GLIS3: variants seen among roughly 807,000 people sequenced by gnomAD.
The protein encoded by GLIS3 is GLIS family zinc finger 3, also known as zinc finger protein GLIS3.
A neutral mutation model predicts 78.6 loss-of-function variants in GLIS3; 53 were observed. The ratio of observed to expected loss-of-function variants is 0.67; its 90% CI spans 0.54 to 0.85. The LOEUF (loss-of-function observed/expected upper bound fraction) is 0.85, where lower values mean the gene tolerates loss of function less well. GLIS3 is among the 40% of genes least tolerant of loss of function. GLIS3 has a pLI of 0.00. For synonymous variants in GLIS3, 684 were observed against 509.9 expected (o/e 1.34, Z -4.60); for missense variants, 1,703 against 1,231.1 (o/e 1.38, Z -5.74).
chr9:4,254,157 C>T (rs963527960), intron 2 of GLIS3, among the ~76,000 whole-genome samples: 1 of 152,148 alleles, frequency 6.6e-6, no homozygotes, highest in Non-Finnish European at 1.5e-5. Flanking sequence ...ATATTTACTG[C>T]ATGTCACATA....
the GLIS3 span, among the ~76,000 whole-genome samples, chr9:4,489,589 A>T: frequency 1.3e-5 from 2 of 152,180 alleles, no homozygotes; most frequent in African/African-American, 4.8e-5. Flanking sequence ...AGCATCAGAA[A>T]TTCACTTAGC....
chr9:3,928,407 G>GA (rs1160682752), intron 6 of GLIS3, among the ~76,000 whole-genome samples: 1 of 152,200 alleles, frequency 6.6e-6, no homozygotes, highest in Non-Finnish European at 1.5e-5. Context: ...GCAACTGACA[G>GA]AAAAAGTGTG....
intron 4 of GLIS3, among the ~76,000 whole-genome samples, chr9:4,069,344 T>G (rs1021462084): frequency 1.3e-5 from 2 of 152,212 alleles, no homozygotes. Flanking sequence ...TGGATCGGCT[T>G]CTCAGCCATT....
chr9:4,450,608 G>A, the GLIS3 span, among the ~76,000 whole-genome samples: 1 of 152,234 alleles, frequency 6.6e-6, no homozygotes, highest in South Asian at 2.1e-4. Context: ...GAAAGGTCAG[G>A]TTACCCACAA....
chr9:4,058,534 T>G (rs879768038), intron 4 of GLIS3, among the ~76,000 whole-genome samples: 2 of 152,080 alleles, frequency 1.3e-5, no homozygotes, highest in Non-Finnish European at 2.9e-5. Flanking sequence ...AGTCCTGGAA[T>G]GTACTTAGCA....
At chr9:3,931,046 T>C (rs534583231) in intron 6 of GLIS3, among the ~76,000 whole-genome samples, 1 of 152,156 alleles carries the variant, frequency 6.6e-6, no homozygotes, top group African/African-American at 2.4e-5. Flanking sequence ...CAAAAGCATA[T>C]CTAGTGTCTG....
intron 4 of GLIS3, among the ~76,000 whole-genome samples, chr9:4,095,356 T>G (rs2130775258): frequency 6.6e-6 from 1 of 152,260 alleles, no homozygotes; most frequent in South Asian, 2.1e-4. Context: ...AATGAAGGGG[T>G]TTCATAACAA....
At chr9:3,878,935 G>C (rs887913334) in intron 8 of GLIS3, 13 of 165,930 alleles carry the variant, frequency 7.8e-5, no homozygotes, top group African/African-American at 2.4e-4. Context: ...GAATTCAGGA[G>C]TAAAAATATC....
chr9:4,251,449 T>A (rs1464194788), intron 2 of GLIS3, among the ~76,000 whole-genome samples: 2 of 151,870 alleles, frequency 1.3e-5, no homozygotes, highest in African/African-American at 2.4e-5. Context: ...TTTTTTTGCT[T>A]TCCATTTGCT....
intron 2 of GLIS3, among the ~76,000 whole-genome samples, chr9:4,258,887 A>G (rs903424963): frequency 6.6e-6 from 1 of 152,160 alleles, no homozygotes; most frequent in Admixed American, 6.5e-5. Flanking sequence ...CACATTCCTA[A>G]CATGTGGCAA....
intron 2 of GLIS3, among the ~76,000 whole-genome samples, chr9:4,183,600 C>A (rs1037140558): frequency 1.3e-5 from 2 of 152,186 alleles, no homozygotes; most frequent in Non-Finnish European, 2.9e-5. Context: ...GTCAAGACCT[C>A]TGTTTCTCCA....
intron 4 of GLIS3, among the ~76,000 whole-genome samples, chr9:4,041,072 T>A (rs886948857): frequency 6.6e-6 from 1 of 152,190 alleles, no homozygotes; most frequent in Non-Finnish European, 1.5e-5. Flanking sequence ...AAGAAGGTGT[T>A]CATTACACAG....
intron 2 of GLIS3, among the ~76,000 whole-genome samples, chr9:4,320,197 T>C (rs1817503588): frequency 6.6e-6 from 1 of 152,190 alleles, no homozygotes; most frequent in Non-Finnish European, 1.5e-5. Context: ...CAAATTCCCT[T>C]CCATTCTGAA....
At chr9:4,072,516 TG>T (rs999162598) in intron 4 of GLIS3, among the ~76,000 whole-genome samples, 19 of 152,132 alleles carry the variant, frequency 1.2e-4, no homozygotes, top group African/African-American at 4.6e-4. Context: ...TTTTTTGAGG[TG>T]GGTGTTTCTT....
intron 2 of GLIS3, among the ~76,000 whole-genome samples, chr9:4,157,730 C>A (rs912782903): frequency 6.6e-6 from 1 of 152,098 alleles, no homozygotes; most frequent in African/African-American, 2.4e-5. Flanking sequence ...ACGAGTGCTT[C>A]CACAAAGCAC....
chr9:4,279,574 G>C (rs1015333565), intron 2 of GLIS3, among the ~76,000 whole-genome samples: 1 of 151,742 alleles, frequency 6.6e-6, no homozygotes, highest in African/African-American at 2.4e-5. Flanking sequence ...GTGAAAACCT[G>C]GGAGGCTGAA....
chr9:3,863,353 T>A (rs531819833), intron 8 of GLIS3, among the ~76,000 whole-genome samples: 3 of 152,308 alleles, frequency 2.0e-5, no homozygotes, highest in African/African-American at 7.2e-5. Context: ...GAATTCGGCT[T>A]CTGAGACAAT....
chr9:4,203,434 C>G (rs1057065849), intron 2 of GLIS3, among the ~76,000 whole-genome samples: 1 of 152,190 alleles, frequency 6.6e-6, no homozygotes, highest in Admixed American at 6.5e-5. Flanking sequence ...TCTCAAGGAA[C>G]TTAGAACACA....
chr9:4,173,384 A>C (rs1816538863), intron 2 of GLIS3, among the ~76,000 whole-genome samples: 1 of 151,926 alleles, frequency 6.6e-6, no homozygotes, highest in African/African-American at 2.4e-5. Flanking sequence ...TTTGTCCCTA[A>C]CTCTTCCTAT....
Sources: allele counts gnomAD v4.1 joint callset (sites outside exome capture counted in the v4.1 genomes callset), GRCh38; gene constraint gnomAD v4.1.1; transcripts MANE v1.5; gene names NCBI Gene and HGNC (gene_info 2026-07-23, HGNC 2026-07-21).